NTRK3: variants seen among roughly 807,000 people sequenced by gnomAD.
The protein encoded by NTRK3 is NT-3 growth factor receptor.
NTRK3 carries 24 observed loss-of-function variants against 91.7 expected under a neutral mutation model. The ratio of observed to expected loss-of-function variants is 0.26; its 90% CI spans 0.19 to 0.37. NTRK3 has a LOEUF of 0.37. Ranked by LOEUF, NTRK3 falls within the 10% of genes least tolerant of loss-of-function variation. NTRK3 has a pLI of 1.00. For missense variants in NTRK3, 880 were observed against 1,068.9 expected, an observed-to-expected ratio of 0.82 and a Z score of 2.46; for synonymous variants, 483 against 404.0, an observed-to-expected ratio of 1.20 and a Z score of -2.34.
chr15:87,876,257 T>A, exon 19 of NTRK3: 1 of 232,538 alleles, frequency 4.3e-6, no homozygotes. Context: ...GTAGGTGCCA[T>A]CATTGATTCC....
intron 13 of NTRK3, among the ~76,000 whole-genome samples, chr15:88,093,437 G>A (rs2049235748): frequency 1.3e-5 from 2 of 152,146 alleles, no homozygotes; most frequent in African/African-American, 2.4e-5. Flanking sequence ...CTATGTGCCA[G>A]GCAGCCTTGC....
chr15:87,916,489 C>T (rs1016241992), intron 17 of NTRK3: 89 of 701,606 alleles, frequency 1.3e-4, no homozygotes, highest in Admixed American at 2.8e-4. Flanking sequence ...CATGCTTCAA[C>T]GTCTCAGAAT....
intron 14 of NTRK3, among the ~76,000 whole-genome samples, chr15:87,986,424 G>T (rs1164158408): frequency 6.6e-6 from 1 of 152,148 alleles, no homozygotes; most frequent in East Asian, 1.9e-4. Flanking sequence ...ATATAACCCT[G>T]TTTCTCCTCT....
At chr15:87,879,803 G>T (rs535367471) in intron 18 of NTRK3, among the ~76,000 whole-genome samples, 1 of 151,924 alleles carries the variant, frequency 6.6e-6, no homozygotes, top group Non-Finnish European at 1.5e-5. Flanking sequence ...ATTCCTAGAC[G>T]TTCACACATG....
At chr15:87,953,300 C>G (rs527426418) in intron 14 of NTRK3, among the ~76,000 whole-genome samples, 15 of 152,222 alleles carry the variant, frequency 9.9e-5, no homozygotes, top group Non-Finnish European at 1.6e-4. Context: ...GTGTGTTCAC[C>G]AAGCTCCGAG....
rs562549999 is a variant in NTRK3 at position 88,234,283 on chromosome 15, A to C, written c.248+21623T>G. 4.1e-4 allele frequency among the ~76,000 whole-genome samples: 63 copies of C among 152,272 alleles called. 1 individual carries two copies. In the South Asian group the frequency reaches 7.1e-3, roughly 17 times the overall value. ...TCTCCAGACTGCACTCTCTTCCTTC[A>C]TTCATTCATTCTCCTTCATTGATTG... is the stretch of plus-strand genomic sequence containing the variant. On this transcript the variant is annotated intron_variant, in intron 3 of 18. Coordinates refer to ENST00000394480, the Ensembl canonical transcript of NTRK3. This position sits in a 1 kb window ranked among gnomAD's most constrained non-coding sequence, Gnocchi z 6.1.
intron 13 of NTRK3, among the ~76,000 whole-genome samples, chr15:88,095,631 A>G (rs769847058): frequency 4.6e-5 from 7 of 152,364 alleles, no homozygotes; most frequent in Non-Finnish European, 7.3e-5. Context: ...CCAGAGCAAG[A>G]AAACCAGTTG....
At chr15:88,231,434 G>A (rs1018144894) in intron 3 of NTRK3, among the ~76,000 whole-genome samples, 5 of 151,104 alleles carry the variant, frequency 3.3e-5, no homozygotes, top group East Asian at 1.9e-4. Context: ...TTCTTGAAAC[G>A]CAGATTAAAA....
chr15:88,156,963 C>G (rs1372170523), intron 5 of NTRK3, among the ~76,000 whole-genome samples: 2 of 152,118 alleles, frequency 1.3e-5, no homozygotes, highest in Non-Finnish European at 2.9e-5. Flanking sequence ...TTTCTTTCTA[C>G]ACAGCAACCA....
At position 88,241,223 on chromosome 15, in the gene NTRK3, G is replaced by A. The variant is rs2052320110; in HGVS notation, c.248+14683C>T. 6.6e-6 allele frequency among the ~76,000 whole-genome samples: 1 copy of A among 152,198 alleles called. No individual in the cohort carries two copies. On this transcript the variant is annotated intron_variant, in intron 3 of 18. Transcript: ENST00000394480. The surrounding 1 kb of genome is among the most constrained non-coding windows in gnomAD (Gnocchi z 4.3). ...GCCCTCTTCTGTTCAGTGACCTCCT[G>A]GGCAGGTAAGAACATAGAGGGCAGT...
At chr15:87,944,879 C>G (rs898704906) in intron 14 of NTRK3, among the ~76,000 whole-genome samples, 1 of 152,220 alleles carries the variant, frequency 6.6e-6, no homozygotes, top group African/African-American at 2.4e-5. Context: ...CTGACGTCCA[C>G]GCGTCTATTT....
intron 17 of NTRK3, 46 bp downstream of exon 18, chr15:87,885,648 T>C (rs568563896): frequency 2.0e-6 from 2 of 1,020,590 alleles, no homozygotes; most frequent in Non-Finnish European, 1.4e-6. Flanking sequence ...ATTAAAGTGT[T>C]GGGACAATGA....
chr15:88,039,326 C>G (rs1230560898), intron 13 of NTRK3, among the ~76,000 whole-genome samples: 3 of 152,178 alleles, frequency 2.0e-5, no homozygotes, highest in Non-Finnish European at 4.4e-5. Context: ...GAGAGAGACC[C>G]TCAAGGGAAC....
intron 13 of NTRK3, among the ~76,000 whole-genome samples, chr15:88,077,424 T>TC (rs1319143978): frequency 6.6e-6 from 1 of 151,042 alleles, no homozygotes; most frequent in Non-Finnish European, 1.5e-5. Flanking sequence ...CAGCCCTGCC[T>TC]CCCCCACCCT....
intron 14 of NTRK3, among the ~76,000 whole-genome samples, chr15:88,003,058 G>C (rs868012793): frequency 5.9e-5 from 9 of 152,282 alleles, no homozygotes; most frequent in Middle Eastern, 6.8e-3. Context: ...ACAGAGCAAA[G>C]GGCATGCTTA....
intron 13 of NTRK3, among the ~76,000 whole-genome samples, chr15:88,114,948 T>C (rs1029606104): frequency 1.3e-5 from 2 of 152,246 alleles, no homozygotes; most frequent in African/African-American, 4.8e-5. Flanking sequence ...TTGTTAGATC[T>C]GTAAGTAATT....
chr15:87,902,060 C>G (rs747241700), intron 17 of NTRK3, among the ~76,000 whole-genome samples: 40 of 152,100 alleles, frequency 2.6e-4, no homozygotes, highest in Non-Finnish European at 4.4e-4. Flanking sequence ...CTCAGAAAAG[C>G]TGAAGGGGAA....
At chr15:88,245,479 T>C (rs954161746) in intron 3 of NTRK3, among the ~76,000 whole-genome samples, 1 of 152,166 alleles carries the variant, frequency 6.6e-6, no homozygotes, top group East Asian at 1.9e-4. Flanking sequence ...CACTACACCA[T>C]GCCACCTCTC....
intron 13 of NTRK3, 86 bp from the exon 14 acceptor site, chr15:88,033,131 G>A: frequency 8.5e-7 from 1 of 1,180,930 alleles, no homozygotes; most frequent in Non-Finnish European, 1.2e-6. Context: ...CCCAACTACT[G>A]TTCCCATCAC....
Sources: allele counts gnomAD v4.1 joint callset (sites outside exome capture counted in the v4.1 genomes callset), GRCh38; gene constraint gnomAD v4.1.1; non-coding constraint Gnocchi (gnomAD v3.1); transcripts MANE v1.5; gene names NCBI Gene and HGNC (gene_info 2026-07-23, HGNC 2026-07-21).